Variants in RNF11 observed in about 807,000 individuals in gnomAD.
RNF11 encodes ring finger protein 11.
RNF11 carries 4 observed loss-of-function variants against 15.8 expected under a neutral mutation model. That is an observed-to-expected ratio of 0.25 (90% CI 0.12 to 0.58). RNF11 has a LOEUF of 0.58. Ranked by LOEUF, RNF11 falls within the 20% of genes least tolerant of loss-of-function variation. The pLI, the probability that RNF11 is intolerant of heterozygous loss-of-function variation, is 0.91. For missense variants in RNF11, 139 were observed against 194.4 expected (o/e 0.71, Z 1.70); for synonymous variants, 68 against 72.3 (o/e 0.94, Z 0.30).
chr1:51,252,215 T>C (rs1255262135), intron 1 of RNF11, among the ~76,000 whole-genome samples: 3 of 152,162 alleles, frequency 2.0e-5, no homozygotes, highest in South Asian at 2.1e-4. Context: ...ATGTTATACA[T>C]GTAACATACA....
intron 1 of RNF11, among the ~76,000 whole-genome samples, chr1:51,263,880 T>C (rs1646941492): frequency 6.6e-6 from 1 of 152,108 alleles, no homozygotes; most frequent in South Asian, 2.1e-4. Context: ...GGAAATAGAA[T>C]GTGAATTATA....
chr1:51,250,130 A>G (rs1305484531), intron 1 of RNF11, among the ~76,000 whole-genome samples: 1 of 152,076 alleles, frequency 6.6e-6, no homozygotes, highest in Non-Finnish European at 1.5e-5. Context: ...TGGTATTGTC[A>G]ATCTTTATTT....
In RNF11 at chr1:51,242,022, A is replaced by G. The variant is rs901950432; in HGVS notation, c.123+5143A>G. Among the ~76,000 whole-genome samples, 5 of 152,348 alleles carry G rather than the reference A, an allele frequency of 3.3e-5. No individual in the cohort carries two copies. In the South Asian group the frequency reaches 1.0e-3, roughly 32 times the overall value. On this transcript the variant is annotated intron_variant, in intron 1 of 2. Coordinates refer to ENST00000242719, the MANE Select transcript of RNF11 (RefSeq NM_014372.5). ...TAAAAATAAGGATAGGTGTCTCTCAATTTTGCAGTAGTTATATAGTTTGAG... is the reference window on the plus strand; with the variant it reads ...TAAAAATAAGGATAGGTGTCTCTCAGTTTTGCAGTAGTTATATAGTTTGAG...
At position 51,270,494 on chromosome 1, in the gene RNF11, T is replaced by G. The variant is rs767092982; in HGVS notation, c.293+369T>G. Among the ~76,000 whole-genome samples, 34 of 152,158 alleles carry G rather than the reference T, an allele frequency of 2.2e-4. 1 individual carries two copies. Among genetic ancestry groups the G allele is most frequent in the Non-Finnish European group, 2.8e-4 (19 of 68,022 alleles). The stretch of plus-strand genomic sequence containing the variant: ...CAGGCATGGTGGCACGCGCCTGTAA[T>G]CCCAACCACTTGGGAGGCTGAGGTG... On this transcript the variant is annotated intron_variant, in intron 2 of 2. Coordinates refer to ENST00000242719, the MANE Select transcript of RNF11 (RefSeq NM_014372.5).
chr1:51,253,872 G>T (rs1184446252), intron 1 of RNF11, among the ~76,000 whole-genome samples: 1 of 151,884 alleles, frequency 6.6e-6, no homozygotes, highest in Non-Finnish European at 1.5e-5. Flanking sequence ...AATGACTCAT[G>T]CCTGTAATCC....
intron 1 of RNF11, among the ~76,000 whole-genome samples, chr1:51,267,658 A>G (rs1352356362): frequency 6.6e-6 from 1 of 152,246 alleles, no homozygotes; most frequent in Non-Finnish European, 1.5e-5. Context: ...TGATTCTCAG[A>G]GGGGAAGCAG....
chr1:51,251,369 A>T, intron 1 of RNF11: 1 of 1,486,122 alleles, frequency 6.7e-7, no homozygotes, highest in Non-Finnish European at 9.1e-7. Flanking sequence ...TACGGCTGCG[A>T]CCCCGGCCCC....
intron 1 of RNF11, among the ~76,000 whole-genome samples, chr1:51,264,286 AAATATATATATATATATAT>A (rs1292577518): frequency 1.3e-5 from 1 of 77,276 alleles, no homozygotes; most frequent in Non-Finnish European, 2.3e-5. Flanking sequence ...AAAAAAAAAA[AAATATATATATATATATAT>A]ATATATATAT....
chr1:51,241,950 A>G (rs1007651568), intron 1 of RNF11, among the ~76,000 whole-genome samples: 2 of 152,196 alleles, frequency 1.3e-5, no homozygotes, highest in African/African-American at 4.8e-5. Context: ...AAAGAGTGTA[A>G]TATTCATTGA....
intron 1 of RNF11, among the ~76,000 whole-genome samples, chr1:51,257,613 A>G (rs564812328): frequency 1.7e-3 from 258 of 151,962 alleles, no homozygotes; most frequent in African/African-American, 6.2e-3. Context: ...GTACACCACC[A>G]TGCCCGACTA....
At chr1:51,266,577 C>G (rs934282397) in intron 1 of RNF11, among the ~76,000 whole-genome samples, 8 of 152,074 alleles carry the variant, frequency 5.3e-5, no homozygotes, top group Non-Finnish European at 1.0e-4. Context: ...ATCCTGCTGC[C>G]TCAGTCCCCG....
At position 51,256,710 on chromosome 1, in the gene RNF11, C is replaced by T. The variant is rs1329213731; in HGVS notation, c.124-13246C>T. ...GTTTTTTGAGATGGAGTCTCGCTGT[C>T]ACCCAGGCTGGAGTACAGTATGGCG... On this transcript the variant is annotated intron_variant, in intron 1 of 2. Transcript: ENST00000242719. 3.3e-5 allele frequency among the ~76,000 whole-genome samples: 5 copies of T among 152,112 alleles called. 1 individual carries two copies. The East Asian group carries it at 9.6e-4, about 29-fold the overall frequency.
intron 1 of RNF11, among the ~76,000 whole-genome samples, chr1:51,256,385 T>A (rs989908178): frequency 6.6e-6 from 1 of 152,244 alleles, no homozygotes; most frequent in African/African-American, 2.4e-5. Flanking sequence ...ATGTTTTTCA[T>A]GGCTTGATAG....
intron 1 of RNF11, among the ~76,000 whole-genome samples, chr1:51,253,643 G>A (rs6701572): frequency 0.16 from 23,578 of 151,972 alleles, 2,825 homozygotes; most frequent in African/African-American, 0.34. Flanking sequence ...CTGTACCCGC[G>A]TTCTAGAGAG....
intron 1 of RNF11, among the ~76,000 whole-genome samples, chr1:51,268,078 A>G (rs1462634296): frequency 6.6e-6 from 1 of 152,108 alleles, no homozygotes; most frequent in Non-Finnish European, 1.5e-5. Flanking sequence ...CTAATCTTCT[A>G]CTCACTCAGT....
At chr1:51,266,294 A>G (rs1646954244) in intron 1 of RNF11, among the ~76,000 whole-genome samples, 1 of 152,160 alleles carries the variant, frequency 6.6e-6, no homozygotes, top group Non-Finnish European at 1.5e-5. Flanking sequence ...GGAGTTTTGA[A>G]AGAGACAACA....
chr1:51,256,235 C>G (rs1405802900), intron 1 of RNF11, among the ~76,000 whole-genome samples: 1 of 152,182 alleles, frequency 6.6e-6, no homozygotes, highest in African/African-American at 2.4e-5. Flanking sequence ...ATCCCTCCCC[C>G]CAACACCTGA....
chr1:51,267,557 A>G (rs1646960652), intron 1 of RNF11, among the ~76,000 whole-genome samples: 2 of 152,334 alleles, frequency 1.3e-5, no homozygotes, highest in Non-Finnish European at 2.9e-5. Flanking sequence ...TTCAACATAT[A>G]TGAAAGGTTT....
intron 1 of RNF11, among the ~76,000 whole-genome samples, chr1:51,256,115 C>A (rs1646903024): frequency 6.6e-6 from 1 of 152,094 alleles, no homozygotes; most frequent in Admixed American, 6.5e-5. Context: ...TCTTAGAGTT[C>A]ATTCTTGGTG....
Sources: gnomAD v4.1 joint callset for allele counts (sites outside exome capture counted in the v4.1 genomes callset) on GRCh38, gnomAD v4.1.1 for gene constraint, MANE v1.5 for transcripts, NCBI Gene and HGNC (gene_info 2026-07-23, HGNC 2026-07-21) for gene names.